ZRANB3: variants seen among roughly 807,000 people sequenced by gnomAD.
ZRANB3 encodes the protein DNA annealing helicase and endonuclease ZRANB3.
Under a neutral mutation model 133.8 loss-of-function variants are expected in ZRANB3, and 125 were observed. That is an observed-to-expected ratio of 0.93 (90% confidence interval 0.81 to 1.08). The LOEUF (loss-of-function observed/expected upper bound fraction) is 1.08. Ranked by LOEUF, ZRANB3 falls within the 50% of genes least tolerant of loss-of-function variation. The pLI is 0.00. For synonymous variants in ZRANB3, 387 were observed against 432.7 expected (o/e 0.89, Z 1.31); for missense variants, 1,229 against 1,275.5 (o/e 0.96, Z 0.56).
chr2:135,319,930 G>C (rs1231266535), intron 6 of ZRANB3, among the ~76,000 whole-genome samples: 1 of 152,180 alleles, frequency 6.6e-6, no homozygotes, highest in Admixed American at 6.6e-5. Flanking sequence ...TTAATATATT[G>C]AAAGTGTCTA....
chr2:135,327,367 T>C (rs1331617726), intron 6 of ZRANB3, among the ~76,000 whole-genome samples: 1 of 152,084 alleles, frequency 6.6e-6, no homozygotes, highest in Non-Finnish European at 1.5e-5. Flanking sequence ...ATAAGACATG[T>C]TGGAAGTTGA....
At chr2:135,272,000 A>C in intron 9 of ZRANB3, 113 bp from the exon 10 acceptor site, 1 of 1,177,154 alleles carries the variant, frequency 8.5e-7, no homozygotes, top group Non-Finnish European at 1.1e-6. Flanking sequence ...AACTTGGTTA[A>C]GGTGACAGAT....
At chr2:135,381,951 G>T (rs1355146848) in intron 3 of ZRANB3, among the ~76,000 whole-genome samples, 1 of 152,186 alleles carries the variant, frequency 6.6e-6, no homozygotes. Flanking sequence ...CTCCTCCAGA[G>T]GAACGCAGCC....
intron 2 of ZRANB3, among the ~76,000 whole-genome samples, chr2:135,489,585 T>C (rs757892439): frequency 2.6e-5 from 4 of 151,670 alleles, no homozygotes; most frequent in Admixed American, 6.6e-5. Flanking sequence ...AGGGGAGCTA[T>C]GGTCAAAAAG....
intron 2 of ZRANB3, among the ~76,000 whole-genome samples, chr2:135,443,227 A>C (rs1689864031): frequency 6.6e-6 from 1 of 152,180 alleles, no homozygotes; most frequent in Non-Finnish European, 1.5e-5. Context: ...CTTTACAGGG[A>C]CATGGAAGAA....
intron 12 of ZRANB3, among the ~76,000 whole-genome samples, chr2:135,251,992 G>C (rs1249438381): frequency 6.6e-6 from 1 of 152,156 alleles, no homozygotes; most frequent in Non-Finnish European, 1.5e-5. Flanking sequence ...CCTGGATCGT[G>C]CCACTGCACT....
intron 2 of ZRANB3, among the ~76,000 whole-genome samples, chr2:135,398,541 TGGAG>T: frequency 6.7e-6 from 1 of 149,974 alleles, no homozygotes. Context: ...TTTTTTGAGA[TGGAG>T]TCTTGCTCTG....
chr2:135,453,412 G>C (rs769630560), intron 2 of ZRANB3, among the ~76,000 whole-genome samples: 3 of 152,228 alleles, frequency 2.0e-5, no homozygotes, highest in Non-Finnish European at 4.4e-5. Flanking sequence ...TCAAGAAATA[G>C]ATTTTTCTTT....
At chr2:135,297,701 A>T (rs1221841525) in intron 8 of ZRANB3, among the ~76,000 whole-genome samples, 3 of 152,168 alleles carry the variant, frequency 2.0e-5, no homozygotes, top group Non-Finnish European at 4.4e-5. Context: ...AGCTGTTCCT[A>T]TTCAGCCATC....
intron 7 of ZRANB3, 86 bp downstream of exon 7, chr2:135,315,273 C>T: frequency 1.6e-6 from 2 of 1,230,576 alleles, no homozygotes; most frequent in Non-Finnish European, 1.0e-6. Context: ...ACCTTTCCTT[C>T]TGTGAAATAT....
At chr2:135,481,783 G>A (rs1691827879) in intron 2 of ZRANB3, among the ~76,000 whole-genome samples, 1 of 151,294 alleles carries the variant, frequency 6.6e-6, no homozygotes, top group Non-Finnish European at 1.5e-5. Context: ...ATCTTGAACT[G>A]ATTTTTGTAT....
At chr2:135,508,371 T>C (rs1293654111) in intron 1 of ZRANB3, among the ~76,000 whole-genome samples, 1 of 152,164 alleles carries the variant, frequency 6.6e-6, no homozygotes, top group Admixed American at 6.5e-5. Flanking sequence ...TCTCCTGACC[T>C]CGTGATCTGC....
At chr2:135,513,430 T>G (rs1325819898) in intron 1 of ZRANB3, among the ~76,000 whole-genome samples, 2 of 152,176 alleles carry the variant, frequency 1.3e-5, no homozygotes, top group Non-Finnish European at 2.9e-5. Context: ...GTCAATTTTT[T>G]GACAAGGGTC....
At chr2:135,378,593 G>A (rs1436703952) in intron 3 of ZRANB3, among the ~76,000 whole-genome samples, 1 of 152,098 alleles carries the variant, frequency 6.6e-6, no homozygotes, top group Non-Finnish European at 1.5e-5. Flanking sequence ...TAAAAAAAGG[G>A]GGGGAAATGA....
chr2:135,206,856 A>C (rs1310066541), intron 19 of ZRANB3, among the ~76,000 whole-genome samples: 1 of 152,048 alleles, frequency 6.6e-6, no homozygotes, highest in Non-Finnish European at 1.5e-5. Context: ...AAACGTTTGG[A>C]ATTTTCTTTA....
chr2:135,410,436 C>G lies in ZRANB3; in HGVS notation c.162-19616G>C, dbSNP rs569466174. 2.0e-4 allele frequency among the ~76,000 whole-genome samples: 31 copies of G among 152,186 alleles called. No homozygotes were observed. The South Asian group carries it at 5.6e-3, about 28-fold the overall frequency. Reference sequence around the variant, plus strand: ...ACTGGGATAACTGTCTAGCCATATGCAGAAGAATGAAACTGGAACTCTACA... The same window carrying G: ...ACTGGGATAACTGTCTAGCCATATGGAGAAGAATGAAACTGGAACTCTACA... On this transcript the variant is annotated intron_variant, in intron 2 of 20. Transcript: ENST00000264159.
intron 2 of ZRANB3, among the ~76,000 whole-genome samples, chr2:135,503,487 G>A (rs574625612): frequency 6.6e-6 from 1 of 152,242 alleles, no homozygotes; most frequent in Admixed American, 6.5e-5. Context: ...ATATGTGACT[G>A]TGGAACTAAG....
chr2:135,256,435 TC>T (rs1169237334), intron 12 of ZRANB3, among the ~76,000 whole-genome samples: 1 of 151,936 alleles, frequency 6.6e-6, no homozygotes, highest in Non-Finnish European at 1.5e-5. Flanking sequence ...TATAGACAAT[TC>T]TCCTGTCTCA....
chr2:135,416,307 A>G (rs1688571825), intron 2 of ZRANB3, among the ~76,000 whole-genome samples: 1 of 152,146 alleles, frequency 6.6e-6, no homozygotes, highest in Admixed American at 6.6e-5. Context: ...ATTCTTATAC[A>G]CCATCAACAG....
Sources: gnomAD v4.1 joint callset for allele counts (sites outside exome capture counted in the v4.1 genomes callset) on GRCh38, gnomAD v4.1.1 for gene constraint, MANE v1.5 for transcripts, NCBI Gene and HGNC (gene_info 2026-07-23, HGNC 2026-07-21) for gene names.